The following PTPRD variants were observed in gnomAD, a reference collection of about 807,000 sequenced individuals.
PTPRD encodes the protein receptor-type tyrosine-protein phosphatase delta.
PTPRD carries 34 observed loss-of-function variants against 214.5 expected under a neutral mutation model. The observed-to-expected ratio is 0.16, with a 90% CI of 0.12 to 0.21. The LOEUF is 0.21. PTPRD is among the 10% of genes least tolerant of loss of function. The pLI, the probability that PTPRD is intolerant of heterozygous loss-of-function variation, is 1.00. For missense variants in PTPRD, 2,545 were observed against 2,398.7 expected (o/e 1.06, Z -1.27); for synonymous variants, 1,128 against 845.7 (o/e 1.33, Z -5.79).
chr9:10,090,915 AATAT>A (rs34109963), intron 3 of PTPRD, among the ~76,000 whole-genome samples: 1 of 119,580 alleles, frequency 8.4e-6, no homozygotes, highest in Admixed American at 8.4e-5. Context: ...ATATAAATGA[AATAT>A]ACACACACAC....
chr9:8,549,890 A>G (rs1554767767), intron 14 of PTPRD, among the ~76,000 whole-genome samples: 1 of 152,184 alleles, frequency 6.6e-6, no homozygotes, highest in Non-Finnish European at 1.5e-5. Flanking sequence ...GTACCATTTC[A>G]AGCTCTTTCA....
rs35311745 is a variant in PTPRD, at chr9:10,612,208, C to CAA, written c.-600+188_-600+189dup. The stretch of plus-strand genomic sequence containing the variant: ...TATCGAAGTCTTCTAAGGGCTCTTC[C>CAA]AAAAAAAAAAAAAAAAGAAAAAAAT... On this transcript the variant is annotated intron_variant, in intron 2 of 45. Coordinates refer to ENST00000381196, the MANE Select transcript of PTPRD (RefSeq NM_002839.4). Among the ~76,000 whole-genome samples, 694 of 126,734 alleles carry CAA rather than the reference C, an allele frequency of 5.5e-3. 14 individuals are homozygous for CAA. The highest frequency in any genetic ancestry group is 0.018 in the African/African-American group (612 of 33,576). The allele number at this position is 126,734 out of a possible 152,430, so 83.1% of individuals were successfully genotyped here. A position where few individuals can be genotyped will look rare whatever the true frequency, so the allele number is the denominator to read the frequency against.
chr9:8,847,348 A>G (rs1416362428), intron 11 of PTPRD, among the ~76,000 whole-genome samples: 1 of 152,130 alleles, frequency 6.6e-6, no homozygotes, highest in Non-Finnish European at 1.5e-5. Context: ...GTGTATTGAT[A>G]ACCTAACTAT....
intron 2 of PTPRD, among the ~76,000 whole-genome samples, chr9:10,522,991 G>A (rs866597097): frequency 2.0e-5 from 3 of 151,914 alleles, no homozygotes; most frequent in Non-Finnish European, 4.4e-5. Flanking sequence ...ATAATATGAA[G>A]TACTAGTTTA....
chr9:10,076,954 T>C (rs577906621), intron 3 of PTPRD, among the ~76,000 whole-genome samples: 2 of 152,268 alleles, frequency 1.3e-5, no homozygotes, highest in East Asian at 3.9e-4. Flanking sequence ...TATAGCTTGG[T>C]ACACACTATG....
In PTPRD at chr9:8,837,792, G is replaced by A. The variant is rs557390747; in HGVS notation, c.-103-103846C>T. On this transcript the variant is annotated intron_variant, in intron 11 of 45. Transcript: ENST00000381196. ...GTTGGGATTACAAGTGTGAGCCACC[G>A]CAGCCAGCCTGATATTCCCTTTAAA... Among the ~76,000 whole-genome samples the A allele has an allele frequency of 3.3e-4, 50 of 152,164 alleles. 1 individual carries two copies. Among genetic ancestry groups the A allele is most frequent in the Admixed American group, 2.7e-3 (42 of 15,280 alleles).
chr9:8,908,770 A>G (rs1259612328), intron 11 of PTPRD, among the ~76,000 whole-genome samples: 1 of 151,566 alleles, frequency 6.6e-6, no homozygotes, highest in Non-Finnish European at 1.5e-5. Flanking sequence ...GAAATATAAA[A>G]ATAATAAAGA....
intron 2 of PTPRD, among the ~76,000 whole-genome samples, chr9:10,503,273 T>C (rs897026596): frequency 6.7e-6 from 1 of 150,026 alleles, no homozygotes; most frequent in Admixed American, 6.7e-5. Flanking sequence ...GAATAAATTA[T>C]GGTCACTTTG....
At chr9:9,553,351 T>G (rs894904109) in intron 8 of PTPRD, among the ~76,000 whole-genome samples, 7 of 152,226 alleles carry the variant, frequency 4.6e-5, no homozygotes, top group Non-Finnish European at 1.0e-4. Flanking sequence ...CAACACTTAC[T>G]AAGCAGCATT....
chr9:9,031,208 G>C (rs898050559), intron 10 of PTPRD, among the ~76,000 whole-genome samples: 1 of 107,306 alleles, frequency 9.3e-6, no homozygotes, highest in Non-Finnish European at 2.0e-5. Flanking sequence ...ATACTTACTA[G>C]TATTATATTA....
chr9:9,327,668 C>T (rs4143735), intron 9 of PTPRD, among the ~76,000 whole-genome samples: 114,195 of 151,904 alleles, frequency 0.75, 43,205 homozygotes, highest in East Asian at 0.91. Flanking sequence ...GAAATAATAA[C>T]AATAATAAGA....
chr9:9,222,259 C>A (rs946545106), intron 9 of PTPRD, among the ~76,000 whole-genome samples: 3 of 151,940 alleles, frequency 2.0e-5, no homozygotes, highest in African/African-American at 7.2e-5. Context: ...CAAACAACTT[C>A]CAGGCCTTAA....
At chr9:8,999,064 C>T (rs530868382) in intron 11 of PTPRD, among the ~76,000 whole-genome samples, 2 of 152,150 alleles carry the variant, frequency 1.3e-5, no homozygotes, top group Admixed American at 1.3e-4. Flanking sequence ...ACGGAATCTA[C>T]TCCTGGGAAA....
intron 29 of PTPRD, 54 bp from the exon 30 acceptor site, chr9:8,484,432 T>C: frequency 6.5e-7 from 1 of 1,547,342 alleles, no homozygotes; most frequent in Non-Finnish European, 8.7e-7. Flanking sequence ...AGGCAAAATA[T>C]ATTTTCTAAA....
intron 7 of PTPRD, among the ~76,000 whole-genome samples, chr9:9,731,964 T>C (rs1246494377): frequency 6.6e-6 from 1 of 152,080 alleles, no homozygotes; most frequent in Non-Finnish European, 1.5e-5. Flanking sequence ...ACAAGAACCT[T>C]AGAACATATG....
intron 11 of PTPRD, among the ~76,000 whole-genome samples, chr9:8,786,369 T>A (rs2095967332): frequency 6.6e-6 from 1 of 151,604 alleles, no homozygotes; most frequent in Non-Finnish European, 1.5e-5. Context: ...TGAAATTTGT[T>A]CCAGGCAGAC....
intron 8 of PTPRD, among the ~76,000 whole-genome samples, chr9:9,550,522 A>C (rs942087576): frequency 1.5e-4 from 23 of 148,730 alleles, no homozygotes; most frequent in Admixed American, 1.4e-3. Context: ...TATTATGTAT[A>C]GTATTATGTA....
intron 4 of PTPRD, among the ~76,000 whole-genome samples, chr9:9,988,866 G>A (rs1334131300): frequency 2.0e-5 from 3 of 150,998 alleles, no homozygotes; most frequent in Non-Finnish European, 3.0e-5. Context: ...ACTTCCATCA[G>A]GAAAAATAAA....
Position 9,000,363 on chromosome 9 carries a change from G to T in PTPRD, c.-104+18334C>A, listed in dbSNP as rs573308026. Reference sequence around the variant, plus strand: ...AAAGCTCTTTCAATGTGCAATAGGGGAGAATTCCTGGATGAAGATGGGCAG... The same window carrying T: ...AAAGCTCTTTCAATGTGCAATAGGGTAGAATTCCTGGATGAAGATGGGCAG... On this transcript the variant is annotated intron_variant, in intron 11 of 45. Transcript: ENST00000381196. Among the ~76,000 whole-genome samples, 3 of 152,112 alleles carry T rather than the reference G, an allele frequency of 2.0e-5. No individual in the cohort carries two copies. The South Asian group carries it at 6.2e-4, about 32-fold the overall frequency.
Sources: gnomAD v4.1 joint callset for allele counts (sites outside exome capture counted in the v4.1 genomes callset) on GRCh38, gnomAD v4.1.1 for gene constraint, MANE v1.5 for transcripts, NCBI Gene and HGNC (gene_info 2026-07-23, HGNC 2026-07-21) for gene names.